Variants in OCA2 observed in about 807,000 individuals in gnomAD.
OCA2 encodes the protein OCA2 melanosomal transmembrane protein, also known as P protein.
OCA2 carries 77 observed loss-of-function variants against 100.2 expected under a neutral mutation model. The observed-to-expected ratio is 0.77, with a 90% CI of 0.64 to 0.93. The LOEUF (loss-of-function observed/expected upper bound fraction) is 0.93. Among genes scored for constraint, OCA2 ranks in the 40% least tolerant of loss-of-function variants. The pLI is 0.00. For missense variants in OCA2, 1,062 were observed against 1,089.1 expected (o/e 0.98, Z 0.35); for synonymous variants, 432 against 439.2 (o/e 0.98, Z 0.21).
At chr15:27,795,104 C>T (rs935764217) in intron 23 of OCA2, among the ~76,000 whole-genome samples, 2 of 152,158 alleles carry the variant, frequency 1.3e-5, no homozygotes, top group Non-Finnish European at 2.9e-5. Flanking sequence ...TGTACCCTAA[C>T]CTTGCTACAA....
rs368605852 is a variant in OCA2 at position 27,799,232 on chromosome 15, T to G, written c.2433-43760A>C. 1.0e-3 allele frequency among the ~76,000 whole-genome samples: 154 copies of G among 152,254 alleles called. 1 individual carries two copies. Among genetic ancestry groups the G allele is most frequent in the South Asian group, 3.5e-3 (17 of 4,820 alleles). On this transcript the variant is annotated intron_variant, in intron 23 of 23. Coordinates refer to ENST00000354638, the MANE Select transcript of OCA2 (RefSeq NM_000275.3). The stretch of plus-strand genomic sequence containing the variant: ...ATCCACTCATTCACTCAAAGTACAC[T>G]AAACACCTACTGCAGGCAGGCACTG...
intron 1 of OCA2, among the ~76,000 whole-genome samples, chr15:28,088,536 C>A (rs948354184): frequency 5.3e-5 from 8 of 152,092 alleles, no homozygotes; most frequent in Non-Finnish European, 1.2e-4. Flanking sequence ...CATGTAGGTT[C>A]TTTTCTATTT....
chr15:27,757,457 T>C (rs2030475394), intron 23 of OCA2, among the ~76,000 whole-genome samples: 1 of 152,290 alleles, frequency 6.6e-6, no homozygotes, highest in Non-Finnish European at 1.5e-5. Flanking sequence ...TTGCATATAG[T>C]AGGGAACTTG....
intron 22 of OCA2, among the ~76,000 whole-genome samples, chr15:27,845,954 G>A (rs375021963): frequency 5.5e-4 from 84 of 152,260 alleles, no homozygotes; most frequent in Non-Finnish European, 8.1e-4. Flanking sequence ...GAGGCCCCAC[G>A]TCCCCATGAA....
intron 15 of OCA2, among the ~76,000 whole-genome samples, chr15:27,959,597 G>A (rs2040344343): frequency 6.6e-6 from 1 of 152,172 alleles, no homozygotes; most frequent in Admixed American, 6.5e-5. Context: ...GCTTTAAAGT[G>A]CTCACACCTC....
intron 2 of OCA2, among the ~76,000 whole-genome samples, chr15:28,040,672 AAAT>A (rs1240637811): frequency 6.6e-6 from 1 of 152,194 alleles, no homozygotes; most frequent in East Asian, 1.9e-4. Context: ...AATTTTTAAA[AAAT>A]AAAAAGTATT....
At chr15:27,979,195 T>C (rs2041065738) in intron 14 of OCA2, among the ~76,000 whole-genome samples, 1 of 152,232 alleles carries the variant, frequency 6.6e-6, no homozygotes, top group African/African-American at 2.4e-5. Flanking sequence ...CCCAACTATA[T>C]GCTAATGTAA....
intron 17 of OCA2, among the ~76,000 whole-genome samples, chr15:27,953,749 C>CT (rs536601033): frequency 2.6e-4 from 39 of 148,968 alleles, no homozygotes; most frequent in Middle Eastern, 3.5e-3. Flanking sequence ...TTTCTGTTTT[C>CT]TTTTTTTTTT....
At chr15:27,768,085 T>G (rs2031415973) in intron 23 of OCA2, among the ~76,000 whole-genome samples, 1 of 151,736 alleles carries the variant, frequency 6.6e-6, no homozygotes, top group African/African-American at 2.4e-5. Flanking sequence ...AGCTGTGACC[T>G]GGCGCAGGGA....
intron 2 of OCA2, among the ~76,000 whole-genome samples, chr15:28,039,959 G>C (rs2043154463): frequency 1.3e-5 from 2 of 151,642 alleles, no homozygotes; most frequent in African/African-American, 4.9e-5. Flanking sequence ...TTGAACCCAA[G>C]AGGCGGAGGT....
At chr15:28,039,477 A>G (rs1238923962) in intron 2 of OCA2, among the ~76,000 whole-genome samples, 1 of 152,210 alleles carries the variant, frequency 6.6e-6, no homozygotes, top group Non-Finnish European at 1.5e-5. Context: ...TGAACTGGAA[A>G]TCAATAACAG....
chr15:27,983,360 T>A lies in OCA2; in HGVS notation c.1488A>T (p.Gln496His), dbSNP rs2041230833. ...TGGTACGTACCATCTTCCTCAGCTC[T>A]TGGTTGGAAACAATAATGACATTTG... is the stretch of plus-strand genomic sequence containing the variant. ...DPPNVIIVSNQELRKMGLDFA... is the reference protein window; with the variant it reads ...DPPNVIIVSNHELRKMGLDFA... Residue 496 changes from glutamine (Q) to histidine (H), a missense_variant, in exon 14 of 24, where the codon CAA (glutamine) becomes CAT (histidine). By Grantham distance (24) the Gln-to-His change is conservative. Coordinates refer to ENST00000354638, the MANE Select transcript of OCA2 (RefSeq NM_000275.3). 6.2e-7 allele frequency: 1 copy of A among 1,614,046 alleles called. No individual in the cohort carries two copies. Among genetic ancestry groups the A allele is most frequent in the Admixed American group, 1.7e-5 (1 of 60,002 alleles).
intron 9 of OCA2, among the ~76,000 whole-genome samples, chr15:28,003,666 C>A (rs968953879): frequency 6.6e-6 from 1 of 152,124 alleles, no homozygotes; most frequent in African/African-American, 2.4e-5. Flanking sequence ...CCCCCGAACG[C>A]TGAGCCCGAG....
chr15:27,731,561 T>C, the OCA2 span, among the ~76,000 whole-genome samples: 1 of 152,346 alleles, frequency 6.6e-6, no homozygotes, highest in Non-Finnish European at 1.5e-5. Context: ...TATTTGTAGA[T>C]AGAAATGGTG....
chr15:27,889,448 G>A (rs2037366184), intron 19 of OCA2, among the ~76,000 whole-genome samples: 1 of 152,110 alleles, frequency 6.6e-6, no homozygotes, highest in Admixed American at 6.6e-5. Context: ...AGGCCCCTGG[G>A]GCTCCACATG....
chr15:27,921,300 G>A (rs1198693479), intron 19 of OCA2, among the ~76,000 whole-genome samples: 1 of 152,108 alleles, frequency 6.6e-6, no homozygotes, highest in Non-Finnish European at 1.5e-5. Flanking sequence ...CAGAATGACA[G>A]ATTTGGACTG....
chr15:27,736,350 G>C, the OCA2 span, among the ~76,000 whole-genome samples: 1 of 152,120 alleles, frequency 6.6e-6, no homozygotes, highest in African/African-American at 2.4e-5. Context: ...AGAATTCAAG[G>C]ATTCCAAATT....
intron 15 of OCA2, among the ~76,000 whole-genome samples, chr15:27,966,391 T>C (rs183701504): frequency 2.5e-3 from 375 of 152,330 alleles, no homozygotes; most frequent in Middle Eastern, 0.014. Flanking sequence ...CTGCAGTCTA[T>C]ATGTTAGTGT....
chr15:27,769,266 A>C (rs928483727), intron 23 of OCA2, among the ~76,000 whole-genome samples: 1 of 152,212 alleles, frequency 6.6e-6, no homozygotes, highest in African/African-American at 2.4e-5. Flanking sequence ...ACAAATCACG[A>C]TGCACACGTC....
Sources: gnomAD v4.1 joint callset for allele counts (sites outside exome capture counted in the v4.1 genomes callset) on GRCh38, gnomAD v4.1.1 for gene constraint, MANE v1.5 for transcripts, NCBI Gene and HGNC (gene_info 2026-07-23, HGNC 2026-07-21) for gene names.